The following RIMS2 variants were observed in gnomAD, a reference collection of about 807,000 sequenced individuals.
RIMS2 encodes the protein regulating synaptic membrane exocytosis 2.
A neutral mutation model predicts 174.4 loss-of-function variants in RIMS2; 59 were observed. The ratio of observed to expected loss-of-function variants is 0.34; its 90% confidence interval spans 0.27 to 0.42. The LOEUF (loss-of-function observed/expected upper bound fraction) is 0.42, where lower values mean the gene tolerates loss of function less well. Ranked by LOEUF, RIMS2 falls within the 10% of genes least tolerant of loss-of-function variation. The pLI is 1.00. For synonymous variants in RIMS2, 606 were observed against 572.5 expected (o/e 1.06, Z -0.84); for missense variants, 1,620 against 1,666.3 (o/e 0.97, Z 0.48).
chr8:103,832,448 T>TG (rs2098831654), intron 3 of RIMS2, among the ~76,000 whole-genome samples: 1 of 152,122 alleles, frequency 6.6e-6, no homozygotes, highest in African/African-American at 2.4e-5. Flanking sequence ...ACTTATGTCA[T>TG]GGGGGTTTGT....
intron 3 of RIMS2, among the ~76,000 whole-genome samples, chr8:103,851,692 C>T: frequency 7.7e-6 from 1 of 129,642 alleles, no homozygotes; most frequent in South Asian, 2.4e-4. Context: ...CACACACACA[C>T]AGGCAACTCA....
intron 17 of RIMS2, among the ~76,000 whole-genome samples, chr8:103,990,636 T>C (rs189660729): frequency 4.6e-5 from 7 of 152,016 alleles, no homozygotes; most frequent in Non-Finnish European, 1.5e-5. Context: ...AGGAGTCATA[T>C]TAGGATGAAT....
At chr8:104,192,861 T>C (rs1362379435) in intron 19 of RIMS2, among the ~76,000 whole-genome samples, 6 of 152,278 alleles carry the variant, frequency 3.9e-5, no homozygotes, top group Non-Finnish European at 5.9e-5. Flanking sequence ...GACAGACACA[T>C]GGTACCCACT....
chr8:103,550,129 C>T (rs1320837104), intron 1 of RIMS2, among the ~76,000 whole-genome samples: 1 of 152,166 alleles, frequency 6.6e-6, no homozygotes, highest in African/African-American at 2.4e-5. Flanking sequence ...ACAGCACTCT[C>T]CACCCCAAAT....
At chr8:104,215,132 G>T (rs1420207111) in intron 19 of RIMS2, among the ~76,000 whole-genome samples, 1 of 152,068 alleles carries the variant, frequency 6.6e-6, no homozygotes. Flanking sequence ...AGACAGTTAA[G>T]CAAAAAATCT....
At chr8:103,578,572 C>CA (rs369564461) in intron 1 of RIMS2, among the ~76,000 whole-genome samples, 2 of 151,704 alleles carry the variant, frequency 1.3e-5, no homozygotes, top group African/African-American at 2.4e-5. Flanking sequence ...ACAACAACAA[C>CA]AAAAAACCCA....
chr8:103,754,523 G>A (rs752032091), intron 2 of RIMS2, among the ~76,000 whole-genome samples: 1 of 152,152 alleles, frequency 6.6e-6, no homozygotes, highest in East Asian at 1.9e-4. Flanking sequence ...CTTGTTGACA[G>A]TGGGGTGTTA....
intron 1 of RIMS2, among the ~76,000 whole-genome samples, chr8:103,540,334 C>A (rs953182612): frequency 6.6e-6 from 1 of 152,212 alleles, no homozygotes. Context: ...ACTGAAGACT[C>A]CAGTCCTTGC....
chr8:104,212,034 C>G (rs1253368441), intron 19 of RIMS2, among the ~76,000 whole-genome samples: 3 of 152,182 alleles, frequency 2.0e-5, no homozygotes, highest in Non-Finnish European at 2.9e-5. Context: ...GTTTGAGCAA[C>G]TATTTGGCTG....
intron 1 of RIMS2, among the ~76,000 whole-genome samples, chr8:103,607,955 C>T (rs1342223937): frequency 1.4e-5 from 2 of 144,628 alleles, no homozygotes; most frequent in African/African-American, 2.6e-5. Flanking sequence ...AATGTCCTCC[C>T]ATAGCTCAGA....
At chr8:103,851,239 A>G (rs1450695020) in intron 3 of RIMS2, among the ~76,000 whole-genome samples, 1 of 151,926 alleles carries the variant, frequency 6.6e-6, no homozygotes, top group Admixed American at 6.6e-5. Flanking sequence ...TCTTAGAGTT[A>G]AGGAAGTTGG....
chr8:103,575,227 T>C (rs2093127753), intron 1 of RIMS2, among the ~76,000 whole-genome samples: 1 of 152,194 alleles, frequency 6.6e-6, no homozygotes, highest in Admixed American at 6.5e-5. Flanking sequence ...GAATACAGAA[T>C]AAAACCACAG....
intron 19 of RIMS2, among the ~76,000 whole-genome samples, chr8:104,052,006 T>C (rs1476374093): frequency 6.6e-6 from 1 of 152,168 alleles, no homozygotes; most frequent in Non-Finnish European, 1.5e-5. Context: ...TTCTATGCCT[T>C]CAGCAAGTAA....
intron 19 of RIMS2, among the ~76,000 whole-genome samples, chr8:104,135,613 C>CA (rs35163912): frequency 0.059 from 4,664 of 79,420 alleles, 365 homozygotes; most frequent in African/African-American, 0.14. Context: ...CTCCCAACCT[C>CA]AAAAAAAAAA....
At chr8:103,511,864 CAG>C (rs1826584347) in intron 1 of RIMS2, among the ~76,000 whole-genome samples, 1 of 152,116 alleles carries the variant, frequency 6.6e-6, no homozygotes, top group South Asian at 2.1e-4. Context: ...GTACCTATGA[CAG>C]AAACAAATTT....
At chr8:103,657,592 T>A (rs1250480359) in intron 1 of RIMS2, among the ~76,000 whole-genome samples, 1 of 152,204 alleles carries the variant, frequency 6.6e-6, no homozygotes, top group Non-Finnish European at 1.5e-5. Flanking sequence ...TGGAAAGGAA[T>A]TTTGAGGAAA....
chr8:103,780,521 G>A (rs775544211), intron 3 of RIMS2, among the ~76,000 whole-genome samples: 2 of 151,884 alleles, frequency 1.3e-5, no homozygotes, highest in South Asian at 2.1e-4. Flanking sequence ...CCATTCTGTT[G>A]TTGAGAGCCT....
At chr8:103,910,484 G>A (rs765007450) in intron 5 of RIMS2, 13 of 1,597,402 alleles carry the variant, frequency 8.1e-6, no homozygotes, top group African/African-American at 2.7e-5. Flanking sequence ...GGGTAGATAC[G>A]TGTAGTAGCA....
At position 103,512,946 on chromosome 8, in the gene RIMS2, AT is replaced by A. The variant is rs1019625761; in HGVS notation, c.176+11893del. The stretch of plus-strand genomic sequence containing the variant: ...AGCTGATAAACTAAATCAGCAGGAA[AT>A]TTTTTTTTGAAGGTTAGGTACAAAT... On this transcript the variant is annotated intron_variant, in intron 1 of 23. Coordinates refer to ENST00000504942, the Ensembl canonical transcript of RIMS2. Among the ~76,000 whole-genome samples, 143 of 151,938 alleles carry A rather than the reference AT, an allele frequency of 9.4e-4. 1 individual carries two copies. The highest frequency in any genetic ancestry group is 3.0e-3 in the African/African-American group (126 of 41,470).
Sources: gnomAD v4.1 joint callset for allele counts (sites outside exome capture counted in the v4.1 genomes callset) on GRCh38, gnomAD v4.1.1 for gene constraint, MANE v1.5 for transcripts, NCBI Gene and HGNC (gene_info 2026-07-23, HGNC 2026-07-21) for gene names.